NXN: variants seen among roughly 807,000 people sequenced by gnomAD.
The protein encoded by NXN is nucleoredoxin 1.
A neutral mutation model predicts 48.6 loss-of-function variants in NXN; 16 were observed. The ratio of observed to expected loss-of-function variants is 0.33; its 90% CI spans 0.22 to 0.50. The LOEUF (loss-of-function observed/expected upper bound fraction) is 0.50, where lower values mean the gene tolerates loss of function less well. Ranked by LOEUF, NXN falls within the 20% of genes least tolerant of loss-of-function variation. The probability of loss-of-function intolerance (pLI) is 0.98; values close to 1 mark genes in which losing one functional copy is unlikely to be tolerated. For synonymous variants in NXN, 281 were observed against 269.6 expected (o/e 1.04, Z -0.41); for missense variants, 492 against 605.5 (o/e 0.81, Z 1.97).
intron 5 of NXN, among the ~76,000 whole-genome samples, chr17:811,728 G>A (rs137901286): frequency 1.6e-3 from 240 of 152,152 alleles, no homozygotes; most frequent in Non-Finnish European, 2.5e-3. Context: ...TCAAGACCAC[G>A]GCAGAGGCCG....
chr17:828,403 C>CTT (rs745596555), intron 1 of NXN, among the ~76,000 whole-genome samples: 1,718 of 88,852 alleles, frequency 0.019, 106 homozygotes, highest in African/African-American at 0.081. Flanking sequence ...CGTGCCTGGC[C>CTT]TTTTTTTTTT....
intron 5 of NXN, among the ~76,000 whole-genome samples, chr17:817,677 A>C (rs1423350410): frequency 6.6e-6 from 1 of 151,756 alleles, no homozygotes; most frequent in East Asian, 1.9e-4. Context: ...TCAGGAAAAA[A>C]AAAAAAAAAA....
chr17:890,443 G>A (rs927691744), intron 1 of NXN, among the ~76,000 whole-genome samples: 20 of 151,966 alleles, frequency 1.3e-4, no homozygotes, highest in Middle Eastern at 3.4e-3. Context: ...ACACAATCTC[G>A]GTTCACTGCA....
chr17:965,637 C>A (rs924062999), intron 1 of NXN, among the ~76,000 whole-genome samples: 1 of 152,114 alleles, frequency 6.6e-6, no homozygotes, highest in Admixed American at 6.5e-5. Flanking sequence ...GAGAAGGTGT[C>A]TAGCGGCATA....
chr17:978,693 G>C lies in NXN; in HGVS notation c.360+626C>G, dbSNP rs2069491654. On this transcript the variant is annotated intron_variant, in intron 1 of 7. Transcript: ENST00000336868. The surrounding 1 kb of genome is among the most constrained non-coding windows in gnomAD (Gnocchi z 4.1). ...GAGCGCCCTTCTCGGCCACAGCCAC[G>C]GCCACGGTCACCGGCCGCCTCTCCT... 6.6e-6 allele frequency: 1 copy of C among 152,248 alleles called. No individual in the cohort carries two copies. Among genetic ancestry groups the C allele is most frequent in the African/African-American group, 2.4e-5 (1 of 41,464 alleles). 9.4% of individuals were successfully genotyped at this position (152,248 alleles called of 1,614,324 possible).
chr17:818,601 A>G (rs1341454352), intron 5 of NXN, among the ~76,000 whole-genome samples: 6 of 151,642 alleles, frequency 4.0e-5, no homozygotes, highest in Non-Finnish European at 5.9e-5. Flanking sequence ...AGAATCCACC[A>G]TGGGCCGGGT....
At chr17:819,264 A>T (rs1285865820) in intron 5 of NXN, 175 bp downstream of exon 5, 2 of 650,428 alleles carry the variant, frequency 3.1e-6, no homozygotes, top group African/African-American at 1.8e-5. Flanking sequence ...CTTATTTTTT[A>T]AAAATGGCTT....
At position 958,459 on chromosome 17, in the gene NXN, C is replaced by T. The variant is rs549720036; in HGVS notation, c.360+20860G>A. Among the ~76,000 whole-genome samples, 4 of 151,884 alleles carry T rather than the reference C, an allele frequency of 2.6e-5. No individual in the cohort carries two copies. The South Asian group carries it at 8.3e-4, about 32-fold the overall frequency. On this transcript the variant is annotated intron_variant, in intron 1 of 7. Coordinates refer to ENST00000336868, the MANE Select transcript of NXN (RefSeq NM_022463.5). The surrounding 1 kb of genome is among the most constrained non-coding windows in gnomAD (Gnocchi z 6.9). ...GCCAGGCGTTCAAAACCAGCCCGGGCAACATAGCAGGACTCCAACTCTACA... is the reference window on the plus strand; with the variant it reads ...GCCAGGCGTTCAAAACCAGCCCGGGTAACATAGCAGGACTCCAACTCTACA...
At chr17:884,273 C>T (rs1409681095) in intron 1 of NXN, among the ~76,000 whole-genome samples, 1 of 137,922 alleles carries the variant, frequency 7.3e-6, no homozygotes, top group Admixed American at 7.0e-5. Flanking sequence ...TGTGTAGTGG[C>T]GTGCACCTAG....
Position 817,440 on chromosome 17 carries a change from T to C in NXN, c.820+1999A>G, listed in dbSNP as rs576115517. ...ATCCCAGCACTTTGGGAGGCCGAGG[T>C]GGGCGGATCACAAGGTCAAGAGATC... is the stretch of plus-strand genomic sequence containing the variant. On this transcript the variant is annotated intron_variant, in intron 5 of 7. Transcript: ENST00000336868. Among the ~76,000 whole-genome samples the C allele has an allele frequency of 1.1e-3, 159 of 151,374 alleles. 1 individual carries two copies. The highest frequency in any genetic ancestry group is 3.1e-3 in the African/African-American group (129 of 41,140).
rs118021774 is a variant in NXN at position 919,380 on chromosome 17, G to A, written c.360+59939C>T. On this transcript the variant is annotated intron_variant, in intron 1 of 7. Coordinates refer to ENST00000336868, the MANE Select transcript of NXN (RefSeq NM_022463.5). This position sits in a 1 kb window ranked among gnomAD's most constrained non-coding sequence, Gnocchi z 5.1. Reference sequence around the variant, plus strand: ...CTGTCTCAAAACAAAACAAAAAAAAGGTTCTGGAATGATTATTCCAATTAA... The same window carrying A: ...CTGTCTCAAAACAAAACAAAAAAAAAGTTCTGGAATGATTATTCCAATTAA... Among the ~76,000 whole-genome samples the A allele has an allele frequency of 0.014, 2,056 of 152,062 alleles. 75 individuals carry two copies. In the East Asian group the frequency reaches 0.14, roughly 10 times the overall value.
intron 1 of NXN, among the ~76,000 whole-genome samples, chr17:863,518 T>C (rs1334788936): frequency 6.6e-6 from 1 of 151,752 alleles, no homozygotes; most frequent in Non-Finnish European, 1.5e-5. Flanking sequence ...TGGAGAGCAG[T>C]GGTACAATCA....
intron 1 of NXN, among the ~76,000 whole-genome samples, chr17:934,203 T>C (rs1214915293): frequency 1.3e-5 from 2 of 151,762 alleles, no homozygotes; most frequent in South Asian, 2.1e-4. Flanking sequence ...CCCAGCACTT[T>C]GGGAGGCTCA....
At chr17:844,575 TTTTTC>T (rs755616459) in intron 1 of NXN, among the ~76,000 whole-genome samples, 79 of 152,250 alleles carry the variant, frequency 5.2e-4, no homozygotes, top group Admixed American at 9.2e-4. Flanking sequence ...AAGGTTTCTT[TTTTTC>T]TTTTCTTTTT....
chr17:853,556 C>A (rs1038710707), intron 1 of NXN, among the ~76,000 whole-genome samples: 3 of 151,808 alleles, frequency 2.0e-5, no homozygotes, highest in Non-Finnish European at 4.4e-5. Context: ...TTCTTCCTCA[C>A]CCTGCAGATA....
chr17:920,410 A>T lies in NXN; in HGVS notation c.360+58909T>A, dbSNP rs1481432915. Among the ~76,000 whole-genome samples, 1 of 152,012 alleles carries T rather than the reference A, an allele frequency of 6.6e-6. No homozygotes were observed. Among genetic ancestry groups the T allele is most frequent in the Non-Finnish European group, 1.5e-5 (1 of 68,008 alleles). On this transcript the variant is annotated intron_variant, in intron 1 of 7. Coordinates refer to ENST00000336868, the MANE Select transcript of NXN (RefSeq NM_022463.5). This position sits in a 1 kb window ranked among gnomAD's most constrained non-coding sequence, Gnocchi z 4.6. The stretch of plus-strand genomic sequence containing the variant: ...ACCTAGGCCCTCCTGTCATGCCCCA[A>T]GGCCAATGTAGCCTTGGGGATGCCG...
chr17:819,137 G>A (rs1027661162), intron 5 of NXN: 3 of 374,404 alleles, frequency 8.0e-6, no homozygotes, highest in South Asian at 4.4e-5. Flanking sequence ...AGTAGAGACC[G>A]GGTTTCACCG....
rs1911136581 is a variant in NXN at position 800,340 on chromosome 17, AC to A, written c.*608del. On this transcript the variant is annotated 3_prime_UTR_variant, in exon 8 of 8. Coordinates refer to ENST00000336868, the MANE Select transcript of NXN (RefSeq NM_022463.5). ...CGTGGGAGCTGTTTGTATGATATGA[AC>A]CATTACCTTAGCTACATTTTTCTTC... is the stretch of plus-strand genomic sequence containing the variant. 1 of 152,072 alleles carries A rather than the reference AC, an allele frequency of 6.6e-6. No individual in the cohort carries two copies. The highest frequency in any genetic ancestry group is 2.4e-5 in the African/African-American group (1 of 41,404). The allele number at this position is 152,072 out of a possible 1,614,324, so 9.4% of individuals were successfully genotyped here.
chr17:955,918 G>A (rs2069164449), intron 1 of NXN, among the ~76,000 whole-genome samples: 1 of 149,832 alleles, frequency 6.7e-6, no homozygotes, highest in Non-Finnish European at 1.5e-5. Context: ...AAAAAAGAGA[G>A]AGAGAGAGAA....
Sources: allele counts gnomAD v4.1 joint callset (sites outside exome capture counted in the v4.1 genomes callset), GRCh38; gene constraint gnomAD v4.1.1; non-coding constraint Gnocchi (gnomAD v3.1); transcripts MANE v1.5; gene names NCBI Gene and HGNC (gene_info 2026-07-23, HGNC 2026-07-21).